The following KLHL13 variants were observed in gnomAD, a reference collection of about 807,000 sequenced individuals.
KLHL13 encodes kelch-like protein 13.
Under a neutral mutation model 37.1 loss-of-function variants are expected in KLHL13, and 10 were observed. The ratio of observed to expected loss-of-function variants is 0.27; its 90% CI spans 0.17 to 0.46. The LOEUF is 0.46. KLHL13 is among the 20% of genes least tolerant of loss of function. The pLI is 1.00. For missense variants in KLHL13, 360 were observed against 509.3 expected, an observed-to-expected ratio of 0.71 and a Z score of 2.82; for synonymous variants, 163 against 181.2, an observed-to-expected ratio of 0.90 and a Z score of 0.81.
intron 1 of KLHL13, among the ~76,000 whole-genome samples, chrX:118,007,415 T>C (rs1185517167): frequency 1.9e-5 from 2 of 104,300 alleles, no homozygotes; most frequent in African/African-American, 7.0e-5. Context: ...CTGCCAGCCC[T>C]GGACAATGGC....
At chrX:118,106,244 A>G (rs111295855) in intron 1 of KLHL13, among the ~76,000 whole-genome samples, 4,384 of 110,068 alleles carry the variant, frequency 0.04, 227 homozygotes, top group African/African-American at 0.14. Context: ...TAGAAACTAA[A>G]GGCCTACTCT....
At chrX:118,039,595 A>G (rs757730215) in intron 1 of KLHL13, among the ~76,000 whole-genome samples, 1 of 111,659 alleles carries the variant, frequency 9.0e-6, no homozygotes, top group Non-Finnish European at 1.9e-5. Flanking sequence ...TAGATTCCTA[A>G]GGTTTCCGAC....
intron 2 of KLHL13, among the ~76,000 whole-genome samples, chrX:117,930,525 A>G (rs1932397333): frequency 8.9e-6 from 1 of 112,169 alleles, no homozygotes; most frequent in Non-Finnish European, 1.9e-5. Context: ...AATTCAAATT[A>G]TGTATTCCAG....
chrX:117,909,957 A>T, exon 5 of KLHL13: 1 of 1,211,783 alleles, frequency 8.3e-7, no homozygotes, highest in Non-Finnish European at 1.1e-6. Flanking sequence ...AAGACGCTCA[A>T]AAGGGAGTTT....
At chrX:118,046,407 A>G (rs1200684166) in intron 1 of KLHL13, among the ~76,000 whole-genome samples, 1 of 112,190 alleles carries the variant, frequency 8.9e-6, no homozygotes, top group African/African-American at 3.2e-5. Context: ...GTAGCTGGGT[A>G]GGGAGAAGTG....
intron 2 of KLHL13, among the ~76,000 whole-genome samples, chrX:117,921,387 C>T (rs1388038494): frequency 9.0e-6 from 1 of 110,922 alleles, no homozygotes; most frequent in East Asian, 2.8e-4. Flanking sequence ...GTTTATTTGT[C>T]GATTAAGAAT....
At chrX:118,005,359 C>T (rs2053969687) in intron 1 of KLHL13, among the ~76,000 whole-genome samples, 1 of 111,554 alleles carries the variant, frequency 9.0e-6, no homozygotes, top group Non-Finnish European at 1.9e-5. Context: ...TATCTTAATA[C>T]CCTCCAAAAG....
At chrX:117,920,349 C>G in exon 3 of KLHL13, 1 of 1,206,798 alleles carries the variant, frequency 8.3e-7, no homozygotes, top group Non-Finnish European at 1.1e-6. Context: ...AGCAATCCTT[C>G]AAGTCGAAGC....
chrX:118,057,026 T>A (rs1032094876), intron 1 of KLHL13, among the ~76,000 whole-genome samples: 11 of 112,274 alleles, frequency 9.8e-5, no homozygotes, highest in African/African-American at 3.6e-4. Context: ...CTTGGGACTT[T>A]TTTTCAGCAA....
intron 1 of KLHL13, among the ~76,000 whole-genome samples, chrX:117,971,839 T>A (rs186570085): frequency 4.5e-5 from 5 of 112,008 alleles, no homozygotes; most frequent in Admixed American, 1.9e-4. Flanking sequence ...TTCCTACTGA[T>A]AAATATTTTA....
intron 1 of KLHL13, among the ~76,000 whole-genome samples, chrX:117,959,088 A>T (rs755483246): frequency 5.4e-5 from 4 of 74,419 alleles, no homozygotes; most frequent in East Asian, 5.7e-4. Context: ...CACATCATTT[A>T]AAAAAAACAC....
At chrX:118,050,261 G>C (rs897278762) in intron 1 of KLHL13, among the ~76,000 whole-genome samples, 1 of 111,900 alleles carries the variant, frequency 8.9e-6, no homozygotes, top group African/African-American at 3.2e-5. Flanking sequence ...GAATGCCTTT[G>C]AGGTATATTG....
chrX:118,019,250 T>C (rs1378568425), intron 1 of KLHL13, among the ~76,000 whole-genome samples: 1 of 111,901 alleles, frequency 8.9e-6, no homozygotes, highest in Non-Finnish European at 1.9e-5. Context: ...CATTTACAAA[T>C]ACAGTATTTT....
rs1419183940 is a variant in KLHL13, at chrX:117,900,659, T to A, written c.1480+1174A>T. Among the ~76,000 whole-genome samples the A allele has an allele frequency of 5.4e-5, 6 of 111,749 alleles. No homozygotes were observed. In the East Asian group the frequency reaches 1.7e-3, roughly 32 times the overall value. ...TAGGCCTTTCATTGATTCTTATTGATTAAAAATTTCATAAGGCAGTGGTCA... is the reference window on the plus strand; with the variant it reads ...TAGGCCTTTCATTGATTCTTATTGAATAAAAATTTCATAAGGCAGTGGTCA... On this transcript the variant is annotated intron_variant, in intron 6 of 6. Coordinates refer to ENST00000262820, the Ensembl canonical transcript of KLHL13.
Position 118,100,978 on chromosome X carries a change from T to C in KLHL13, c.-56+15530A>G, listed in dbSNP as rs6646087. On this transcript the variant is annotated intron_variant, in intron 1 of 6. Coordinates refer to the KLHL13 transcript ENST00000371882. ...TATACATATCATCTGTTTAACGATA[T>C]TGCAAGATCCTTGAAAGTGGAGGCC... 8.2e-3 allele frequency among the ~76,000 whole-genome samples: 911 copies of C among 111,408 alleles called. 10 individuals are homozygous for C. The highest frequency in any genetic ancestry group is 0.026 in the African/African-American group (805 of 30,651).
chrX:117,968,369 G>C (rs767822500), intron 1 of KLHL13, among the ~76,000 whole-genome samples: 1 of 111,378 alleles, frequency 9.0e-6, no homozygotes, highest in Non-Finnish European at 1.9e-5. Flanking sequence ...GAGTTCCTGT[G>C]TTAAAAGGGG....
chrX:117,993,347 T>C (rs2053816079), intron 1 of KLHL13, among the ~76,000 whole-genome samples: 1 of 112,264 alleles, frequency 8.9e-6, no homozygotes, highest in African/African-American at 3.2e-5. Context: ...CTGGAGATGA[T>C]GATAATGGCT....
At chrX:117,942,179 G>T (rs761177337) in intron 2 of KLHL13, among the ~76,000 whole-genome samples, 1 of 111,814 alleles carries the variant, frequency 8.9e-6, no homozygotes, top group Admixed American at 9.5e-5. Context: ...TAATTTGATT[G>T]CACTGTGGTT....
intron 1 of KLHL13, among the ~76,000 whole-genome samples, chrX:118,078,198 A>G (rs1171720052): frequency 8.9e-6 from 1 of 112,053 alleles, no homozygotes; most frequent in Non-Finnish European, 1.9e-5. Context: ...TCATAATCAC[A>G]AATGGTGGTC....
Sources: allele counts gnomAD v4.1 joint callset (sites outside exome capture counted in the v4.1 genomes callset), GRCh38; gene constraint gnomAD v4.1.1; transcripts MANE v1.5; gene names NCBI Gene and HGNC (gene_info 2026-07-23, HGNC 2026-07-21).